Variants in AKR1E2 observed in about 807,000 individuals in gnomAD.
AKR1E2 encodes the protein 1,5-anhydro-D-fructose reductase.
In AKR1E2, 43 loss-of-function variants were observed where a neutral mutation model predicts 41.9. That is an observed-to-expected ratio of 1.03 (90% confidence interval 0.80 to 1.32). AKR1E2 has a LOEUF of 1.32. AKR1E2 is among the 40% of genes most tolerant of loss of function. The pLI is 0.00. For missense variants in AKR1E2, 423 were observed against 396.5 expected (o/e 1.07, Z -0.57); for synonymous variants, 121 against 138.9 (o/e 0.87, Z 0.91).
At position 4,843,136 on chromosome 10, in the gene AKR1E2, A is replaced by G. The variant is rs116672076; in HGVS notation, c.837+632A>G. Reference sequence around the variant, plus strand: ...GAAATCTATTTTTGGAGCTATGTGAAGGAACTCTGTGTGGCTTCAACCCTG... The same window carrying G: ...GAAATCTATTTTTGGAGCTATGTGAGGGAACTCTGTGTGGCTTCAACCCTG... On this transcript the variant is annotated intron_variant, in intron 8 of 9. Transcript: ENST00000298375. Among the ~76,000 whole-genome samples the G allele has an allele frequency of 2.0e-3, 304 of 152,300 alleles. 1 individual carries two copies. Among genetic ancestry groups the G allele is most frequent in the African/African-American group, 7.0e-3 (291 of 41,554 alleles).
At chr10:4,826,486 G>T in intron 1 of AKR1E2, 123 bp downstream of exon 1, 1 of 911,234 alleles carries the variant, frequency 1.1e-6, no homozygotes. Flanking sequence ...CCTGGCCGAC[G>T]CCCGGGAAAG....
At position 4,835,707 on chromosome 10, in the gene AKR1E2, T is replaced by G; in HGVS notation, c.357T>G (p.Ser119Arg). ...PPHPEWIMSCSELSFCLSHPR... is the reference protein window; with the variant it reads ...PPHPEWIMSCRELSFCLSHPR... Reference sequence around the variant, plus strand: ...ATCCAGAATGGATCATGAGCTGCAGTGAACTTTCCTTCTGCCTCTCACATC... The same window carrying G: ...ATCCAGAATGGATCATGAGCTGCAGGGAACTTTCCTTCTGCCTCTCACATC... Residue 119 changes from serine to arginine, a missense_variant, in exon 4 of 10, where the codon AGT (serine) becomes AGG (arginine). Ser to Arg is a moderately radical substitution (Grantham distance 110, BLOSUM62 -1). Coordinates refer to ENST00000298375, the MANE Select transcript of AKR1E2 (RefSeq NM_001040177.3). 1 of 1,614,176 alleles carries G rather than the reference T, an allele frequency of 6.2e-7. No individual in the cohort carries two copies. Among genetic ancestry groups the G allele is most frequent in the African/African-American group, 1.3e-5 (1 of 75,060 alleles).
chr10:4,864,638 G>A, the AKR1E2 span, among the ~76,000 whole-genome samples: 1 of 152,094 alleles, frequency 6.6e-6, no homozygotes, highest in Non-Finnish European at 1.5e-5. Flanking sequence ...GAAATAGAAG[G>A]TATTCAATTA....
chr10:4,870,320 T>C, the AKR1E2 span, among the ~76,000 whole-genome samples: 1 of 152,094 alleles, frequency 6.6e-6, no homozygotes, highest in Non-Finnish European at 1.5e-5. Flanking sequence ...CAAACATCAT[T>C]TAGAAAACTC....
intron 1 of AKR1E2, among the ~76,000 whole-genome samples, chr10:4,828,143 G>C (rs577396118): frequency 1.2e-4 from 19 of 152,308 alleles, no homozygotes; most frequent in African/African-American, 4.6e-4. Flanking sequence ...AGACCTCAGT[G>C]GTGTACAGCA....
the AKR1E2 span, among the ~76,000 whole-genome samples, chr10:4,860,738 G>A: frequency 3.9e-5 from 6 of 152,270 alleles, no homozygotes; most frequent in Non-Finnish European, 7.4e-5. Flanking sequence ...AATATATTGT[G>A]ATTAATACCA....
chr10:4,839,820 G>T lies in AKR1E2; in HGVS notation c.674G>T (p.Gly225Val), dbSNP rs1452488580. 16 of 1,613,922 alleles carry T rather than the reference G, an allele frequency of 9.9e-6. No individual in the cohort carries two copies. Among genetic ancestry groups the T allele is most frequent in the Non-Finnish European group, 1.3e-5 (15 of 1,179,858 alleles). The change falls in exon 6 of 10, where the codon GGC becomes GTC. Residue 225 changes from glycine (G) to valine (V), a missense_variant. Coordinates refer to ENST00000298375, the MANE Select transcript of AKR1E2 (RefSeq NM_001040177.3). Reference sequence around the variant, plus strand: ...GTGACTGCTTACCGTCCTCTTGGTGGCTCGTGGTAAGGATACCTCAGTGGT... The same window carrying T: ...GTGACTGCTTACCGTCCTCTTGGTGTCTCGTGGTAAGGATACCTCAGTGGT... ...VSVTAYRPLG[G>V]SCEGVDLIDN...
Position 4,847,108 on chromosome 10 carries a change from T to A in AKR1E2, c.838-40T>A, listed in dbSNP as rs112339400. 11 of 1,612,564 alleles carry A rather than the reference T, an allele frequency of 6.8e-6. No homozygotes were observed. The African/African-American group carries it at 9.3e-5, about 14-fold the overall frequency. On this transcript the variant is annotated intron_variant, in intron 8 of 9. Transcript: ENST00000298375. Reference sequence around the variant, plus strand: ...TAACATGTGCTCCATTAAATGTGAATTAAACTAAGTTTTCTACAAACATTG... The same window carrying A: ...TAACATGTGCTCCATTAAATGTGAAATAAACTAAGTTTTCTACAAACATTG...
At chr10:4,873,194 A>G in the AKR1E2 span, among the ~76,000 whole-genome samples, 1 of 152,224 alleles carries the variant, frequency 6.6e-6, no homozygotes, top group East Asian at 1.9e-4. Context: ...GGTTTTAACA[A>G]CAGGAGTTTC....
chr10:4,844,830 A>T (rs1554758444), intron 8 of AKR1E2, among the ~76,000 whole-genome samples: 1 of 152,246 alleles, frequency 6.6e-6, no homozygotes, highest in Admixed American at 6.5e-5. Context: ...AGTCCCCACC[A>T]GTCAGGAGCC....
At chr10:4,826,940 G>C (rs1464949109) in intron 1 of AKR1E2, among the ~76,000 whole-genome samples, 1 of 151,982 alleles carries the variant, frequency 6.6e-6, no homozygotes, top group Non-Finnish European at 1.5e-5. Context: ...GCTGGGCTTG[G>C]GGGTGCGCGC....
chr10:4,854,456 C>T, the AKR1E2 span, among the ~76,000 whole-genome samples: 3 of 152,128 alleles, frequency 2.0e-5, no homozygotes, highest in Non-Finnish European at 2.9e-5. Context: ...TGAATTCACT[C>T]GTGCGAGATC....
intron 1 of AKR1E2, among the ~76,000 whole-genome samples, 163 bp downstream of exon 1, chr10:4,826,526 C>G (rs1832521601): frequency 6.6e-6 from 1 of 152,204 alleles, no homozygotes; most frequent in African/African-American, 2.4e-5. Context: ...CCACCGCCCA[C>G]AAGCAGCCCG....
chr10:4,869,033 T>C, the AKR1E2 span, among the ~76,000 whole-genome samples: 2 of 152,202 alleles, frequency 1.3e-5, no homozygotes, highest in Non-Finnish European at 2.9e-5. Flanking sequence ...CATTTTCATA[T>C]TGGGGTAATG....
chr10:4,863,413 G>A, the AKR1E2 span, among the ~76,000 whole-genome samples: 2 of 152,106 alleles, frequency 1.3e-5, no homozygotes, highest in East Asian at 1.9e-4. Context: ...TGAAACCAAC[G>A]AGAACAAAAA....
At position 4,837,575 on chromosome 10, in the gene AKR1E2, C is replaced by T; in HGVS notation, c.576C>T (p.Thr192=). 6.2e-7 allele frequency: 1 copy of T among 1,613,234 alleles called. No individual in the cohort carries two copies. Among genetic ancestry groups the T allele is most frequent in the South Asian group, 1.1e-5 (1 of 91,042 alleles). Residue 192 remains threonine (T), a synonymous_variant, in exon 5 of 10, where the codon ACC becomes ACT. Coordinates refer to ENST00000298375, the MANE Select transcript of AKR1E2 (RefSeq NM_001040177.3). ...CTGGGTTGAGGTTCAAGCCACTAAC[C>T]AACCAGGTAAGCCGATGGAAGCATC... is the stretch of plus-strand genomic sequence containing the variant. The part of the protein sequence containing the change: ...NKPGLRFKPL[T]NQIECHPYLT...
At chr10:4,848,296 C>T (rs1056346564), downstream of AKR1E2, among the ~76,000 whole-genome samples, 1 of 152,210 alleles carries the variant, frequency 6.6e-6, no homozygotes, top group Admixed American at 6.5e-5. Flanking sequence ...AGATGAAATA[C>T]AGCTCACTTT....
chr10:4,870,867 A>T, the AKR1E2 span, among the ~76,000 whole-genome samples: 1 of 152,108 alleles, frequency 6.6e-6, no homozygotes. Flanking sequence ...TTATTTCTCT[A>T]AGCACTTTTC....
At chr10:4,845,339 T>G (rs1834249395) in intron 8 of AKR1E2, among the ~76,000 whole-genome samples, 1 of 152,176 alleles carries the variant, frequency 6.6e-6, no homozygotes, top group Non-Finnish European at 1.5e-5. Flanking sequence ...GACTCCGGCC[T>G]CGGCCAGCCC....
Sources: gnomAD v4.1 joint callset for allele counts (sites outside exome capture counted in the v4.1 genomes callset) on GRCh38, gnomAD v4.1.1 for gene constraint, MANE v1.5 for transcripts, NCBI Gene and HGNC (gene_info 2026-07-23, HGNC 2026-07-21) for gene names.